AFG3L2: variants seen among roughly 807,000 people sequenced by gnomAD.
AFG3L2 encodes AFG3 like matrix AAA peptidase subunit 2.
In AFG3L2, 54 loss-of-function variants were observed where a neutral mutation model predicts 94.5. The observed-to-expected ratio is 0.57, with a 90% CI of 0.46 to 0.72. AFG3L2 has a LOEUF of 0.72. AFG3L2 is among the 30% of genes least tolerant of loss of function. AFG3L2 has a pLI of 0.00. For synonymous variants in AFG3L2, 377 were observed against 365.5 expected, an observed-to-expected ratio of 1.03 and a Z score of -0.36; for missense variants, 754 against 994.9, an observed-to-expected ratio of 0.76 and a Z score of 3.26.
intron 1 of AFG3L2, 58 bp from the exon 2 acceptor site, chr18:12,371,749 G>C: frequency 7.1e-7 from 1 of 1,401,324 alleles, no homozygotes; most frequent in East Asian, 2.4e-5. Flanking sequence ...ACTTAAAAGA[G>C]CTTCATTTCC....
At chr18:12,337,138 C>T (rs759554324) in intron 16 of AFG3L2, 10 of 631,272 alleles carry the variant, frequency 1.6e-5, no homozygotes, top group Admixed American at 1.0e-4. Context: ...CCACAGGAGC[C>T]GGGACAGTGT....
At chr18:12,353,264 C>T in intron 9 of AFG3L2, 106 bp from the exon 10 acceptor site, 11 of 1,404,162 alleles carry the variant, frequency 7.8e-6, no homozygotes, top group Non-Finnish European at 1.1e-5. Context: ...CCTGTAATCC[C>T]AGCACTGTGG....
intron 16 of AFG3L2, chr18:12,337,140 G>T: frequency 1.6e-6 from 1 of 634,490 alleles, no homozygotes. Context: ...ACAGGAGCCG[G>T]GACAGTGTCA....
chr18:12,332,506 AGTTT>A lies in AFG3L2; in HGVS notation c.2176-2727_2176-2724del, dbSNP rs541653313. ...AAAATTATGAAAGTTTTGTCTTTTC[AGTTT>A]TTAAAAATTTTATTATAAAATGCTT... is the stretch of plus-strand genomic sequence containing the variant. On this transcript the variant is annotated intron_variant, in intron 16 of 16. Transcript: ENST00000269143. 4.5e-4 allele frequency among the ~76,000 whole-genome samples: 68 copies of A among 152,222 alleles called. No homozygotes were observed. In the East Asian group the frequency reaches 9.4e-3, roughly 21 times the overall value.
chr18:12,329,587 G>A lies in AFG3L2; in HGVS notation c.2372C>T (p.Pro791Leu), dbSNP rs372136184. 39 of 1,613,796 alleles carry A rather than the reference G, an allele frequency of 2.4e-5. No individual in the cohort carries two copies. The highest frequency in any genetic ancestry group is 2.9e-5 in the Non-Finnish European group (34 of 1,179,970). The change falls in exon 17 of 17, where the codon CCG (proline) becomes CTG (leucine). Residue 791 changes from proline (P) to leucine (L), a missense_variant. Pro to Leu is a moderately conservative substitution (Grantham distance 98). Coordinates refer to ENST00000269143, the MANE Select transcript of AFG3L2 (RefSeq NM_006796.3). ...CCTCTAGTTGGCAACTTTCTCACCC[G>A]GGGGCTCCTCTTTCTCCTTTTCCCG... is the stretch of plus-strand genomic sequence containing the variant. Reference protein sequence around the residue: ...KEREKEKEEPPGEKVAN With the variant: ...KEREKEKEEPLGEKVAN
chr18:12,371,624 G>A lies in AFG3L2; in HGVS notation c.182C>T (p.Ala61Val). The A allele has an allele frequency of 6.2e-7, 1 of 1,614,062 alleles. No homozygotes were observed. The highest frequency in any genetic ancestry group is 8.5e-7 in the Non-Finnish European group (1 of 1,180,014). The stretch of plus-strand genomic sequence containing the variant: ...GGGTCGAGAACAGAATCTTTGATAA[G>A]CAGCAATTATATCTGTCAAAAGAGA... ...RNSLLTDIIA[A>V]YQRFCSRPPK... Residue 61 changes from alanine (A) to valine (V), a missense_variant, in exon 2 of 17, where the codon GCT becomes GTT. By Grantham distance (64) the Ala-to-Val change is moderately conservative. Coordinates refer to ENST00000269143, the MANE Select transcript of AFG3L2 (RefSeq NM_006796.3).
chr18:12,377,225 C>T lies in AFG3L2; in HGVS notation c.-143G>A, dbSNP rs896139256. 4.5e-6 allele frequency: 3 copies of T among 659,616 alleles called. No individual in the cohort carries two copies. Among genetic ancestry groups the T allele is most frequent in the Non-Finnish European group, 7.6e-6 (3 of 395,224 alleles). 40.9% of individuals were successfully genotyped at this position (659,616 alleles called of 1,614,324 possible). On this transcript the variant is annotated 5_prime_UTR_variant, in exon 1 of 17. Coordinates refer to ENST00000269143, the MANE Select transcript of AFG3L2 (RefSeq NM_006796.3). ...GGCGGCTCACGGAGGAGCCCAAGCT[C>T]TCAACGCGGCGTCTCCTGCCGCCAG...
chr18:12,355,416 T>G (rs568980611), intron 9 of AFG3L2, among the ~76,000 whole-genome samples: 1 of 152,284 alleles, frequency 6.6e-6, no homozygotes, highest in South Asian at 2.1e-4. Flanking sequence ...CTAAGGTGGC[T>G]ATCATCAAAG....
intron 16 of AFG3L2, 114 bp downstream of exon 16, chr18:12,337,227 G>A (rs1166396182): frequency 1.1e-6 from 1 of 937,994 alleles, no homozygotes. Flanking sequence ...GGACCCATGG[G>A]TGAGCCAGAG....
At chr18:12,370,367 T>C (rs2143229754) in intron 3 of AFG3L2, among the ~76,000 whole-genome samples, 1 of 151,786 alleles carries the variant, frequency 6.6e-6, no homozygotes, top group South Asian at 2.1e-4. Flanking sequence ...GACAGAAAAA[T>C]ATCAACAGAA....
intron 6 of AFG3L2, 188 bp from the exon 7 acceptor site, chr18:12,360,239 A>C (rs1023659362): frequency 1.7e-6 from 1 of 592,194 alleles, no homozygotes; most frequent in East Asian, 2.9e-5. Context: ...AACACTTGGC[A>C]ATTCTTGGCA....
chr18:12,347,473 T>C (rs1018595895), intron 13 of AFG3L2, among the ~76,000 whole-genome samples: 4 of 152,234 alleles, frequency 2.6e-5, no homozygotes, highest in Admixed American at 2.0e-4. Context: ...AAACGCACTG[T>C]GTGCGCTCCC....
intron 8 of AFG3L2, 81 bp downstream of exon 8, chr18:12,358,589 A>T: frequency 1.3e-6 from 2 of 1,495,814 alleles, no homozygotes; most frequent in South Asian, 2.4e-5. Context: ...AGCTATCTAT[A>T]ATAAGTAATC....
Position 12,359,908 on chromosome 18 carries a change from A to T in AFG3L2, c.752+19T>A. The T allele has an allele frequency of 6.2e-7, 1 of 1,612,378 alleles. No individual in the cohort carries two copies. The highest frequency in any genetic ancestry group is 2.2e-5 in the East Asian group (1 of 44,888). On this transcript the variant is annotated intron_variant, in intron 7 of 16. Coordinates refer to ENST00000269143, the MANE Select transcript of AFG3L2 (RefSeq NM_006796.3). ...GGCAGCACAGTCAACAGTCTACAAA[A>T]TATTATATTTGAGATTACCCATCAC...
chr18:12,348,538 C>A (rs1908217180), intron 12 of AFG3L2, among the ~76,000 whole-genome samples, 155 bp from the exon 13 acceptor site: 1 of 152,180 alleles, frequency 6.6e-6, no homozygotes, highest in African/African-American at 2.4e-5. Context: ...CTCATGATAA[C>A]CCTAAGCTAT....
At chr18:12,361,336 G>C (rs1242840891) in intron 6 of AFG3L2, among the ~76,000 whole-genome samples, 1 of 151,656 alleles carries the variant, frequency 6.6e-6, no homozygotes, top group East Asian at 1.9e-4. Context: ...CTGGGCAACA[G>C]AGCGAGACTC....
Position 12,344,144 on chromosome 18 carries a change from G to A in AFG3L2, c.1767C>T (p.Asp589=), listed in dbSNP as rs759762398. The change falls in exon 14 of 17, where the codon GAC becomes GAT. Residue 589 remains aspartate (D), a synonymous_variant. Transcript: ENST00000269143. The part of the protein sequence containing the change: ...AVAGWYLEHA[D]PLLKVSIIPR... ...TACCCTGCTTCACCTTTAAAAGCGG[G>A]TCTGCGTGCTCCAGATACCAGCCGG... 2 of 1,613,404 alleles carry A rather than the reference G, an allele frequency of 1.2e-6. No individual in the cohort carries two copies. The highest frequency in any genetic ancestry group is 1.7e-6 in the Non-Finnish European group (2 of 1,180,006).
chr18:12,355,316 C>G (rs530902955), intron 9 of AFG3L2, among the ~76,000 whole-genome samples: 1 of 151,530 alleles, frequency 6.6e-6, no homozygotes, highest in Non-Finnish European at 1.5e-5. Flanking sequence ...TACAAATATA[C>G]AAATGGCCAA....
At chr18:12,331,667 G>A (rs2143082198) in intron 16 of AFG3L2, among the ~76,000 whole-genome samples, 1 of 152,186 alleles carries the variant, frequency 6.6e-6, no homozygotes, top group South Asian at 2.1e-4. Context: ...TGTGGCACCT[G>A]CCTGTAATCC....
Sources: gnomAD v4.1 joint callset for allele counts (sites outside exome capture counted in the v4.1 genomes callset) on GRCh38, gnomAD v4.1.1 for gene constraint, MANE v1.5 for transcripts, NCBI Gene and HGNC (gene_info 2026-07-23, HGNC 2026-07-21) for gene names.